TASOR2: variants seen among roughly 807,000 people sequenced by gnomAD.
TASOR2 encodes the protein protein TASOR 2.
A neutral mutation model predicts 199.5 loss-of-function variants in TASOR2; 84 were observed. The ratio of observed to expected loss-of-function variants is 0.42; its 90% CI spans 0.35 to 0.50. TASOR2 has a LOEUF of 0.50. Among genes scored for constraint, TASOR2 ranks in the 20% least tolerant of loss-of-function variants. The pLI, the probability that TASOR2 is intolerant of heterozygous loss-of-function variation, is 0.02. For synonymous variants in TASOR2, 1,103 were observed against 1,046.6 expected (o/e 1.05, Z -1.04); for missense variants, 2,796 against 2,835.9 (o/e 0.99, Z 0.32).
intron 1 of TASOR2, among the ~76,000 whole-genome samples, chr10:5,703,250 A>G (rs1002124641): frequency 1.3e-5 from 2 of 152,196 alleles, no homozygotes; most frequent in African/African-American, 4.8e-5. Context: ...ATGTCTCACC[A>G]TTATATATAT....
At chr10:5,709,800 T>TA in intron 1 of TASOR2, 1 of 756,806 alleles carries the variant, frequency 1.3e-6, no homozygotes, top group Non-Finnish European at 1.8e-6. Context: ...CTATATTTTT[T>TA]AAAATAATCA....
At position 5,689,844 on chromosome 10, in the gene TASOR2, T is replaced by G. The variant is rs1836227236; in HGVS notation, c.-288+4669T>G. ...CCCAACAGACATACATTGCCAAACT[T>G]GTGGATTTTTGATAATTTTTGATAA... is the stretch of plus-strand genomic sequence containing the variant. On this transcript the variant is annotated intron_variant, in intron 1 of 20. Transcript: ENST00000328090. This position sits in a 1 kb window ranked among gnomAD's most constrained non-coding sequence, Gnocchi z 4.1. Among the ~76,000 whole-genome samples, 1 of 152,192 alleles carries G rather than the reference T, an allele frequency of 6.6e-6. No individual in the cohort carries two copies. The highest frequency in any genetic ancestry group is 2.4e-5 in the African/African-American group (1 of 41,450).
Position 5,722,963 on chromosome 10 carries a change from G to A in TASOR2, c.147-714G>A, listed in dbSNP as rs200297246. 2.7e-5 allele frequency among the ~76,000 whole-genome samples: 4 copies of A among 147,052 alleles called. No homozygotes were observed. Among genetic ancestry groups the A allele is most frequent in the South Asian group, 2.2e-4 (1 of 4,496 alleles). ...TCAGAGGTTGCAGTGAGCTGAGATC[G>A]CACCACTGCACTCCAGCCTGGGTGA... On this transcript the variant is annotated intron_variant, in intron 6 of 20. Transcript: ENST00000328090. The surrounding 1 kb of genome is among the most constrained non-coding windows in gnomAD (Gnocchi z 4.0).
At position 5,706,033 on chromosome 10, in the gene TASOR2, T is replaced by A. The variant is rs1322064851; in HGVS notation, c.-287-6790T>A. On this transcript the variant is annotated intron_variant, in intron 1 of 20. Transcript: ENST00000328090. The surrounding 1 kb of genome is among the most constrained non-coding windows in gnomAD (Gnocchi z 4.8). ...TTTATGTTTAGGTCTGTGATTCATT[T>A]TGAGTTAAATTTTATGGTTTAAGGT... Among the ~76,000 whole-genome samples the A allele has an allele frequency of 6.6e-6, 1 of 152,206 alleles. No homozygotes were observed. Among genetic ancestry groups the A allele is most frequent in the Non-Finnish European group, 1.5e-5 (1 of 68,018 alleles).
At chr10:5,688,420 T>G (rs1377225594) in intron 1 of TASOR2, among the ~76,000 whole-genome samples, 2 of 95,422 alleles carry the variant, frequency 2.1e-5, no homozygotes, top group Admixed American at 1.2e-4. Context: ...TTTTTTTTTT[T>G]GTAGAGACAG....
rs201044493 is a variant in TASOR2, at chr10:5,715,339, A to AT, written c.-191-2313dup. Among the ~76,000 whole-genome samples the AT allele has an allele frequency of 6.9e-3, 1,042 of 151,632 alleles. 18 individuals carry two copies. Among genetic ancestry groups the AT allele is most frequent in the African/African-American group, 0.024 (993 of 41,288 alleles). ...CCATCATAACAGTCAATTTTAGACC[A>AT]TTTTTTTCACCCAAAAAAGAAATCC... On this transcript the variant is annotated intron_variant, in intron 2 of 20. Coordinates refer to ENST00000328090, the Ensembl canonical transcript of TASOR2.
chr10:5,694,656 G>A (rs1026528148), intron 1 of TASOR2, among the ~76,000 whole-genome samples: 3 of 152,018 alleles, frequency 2.0e-5, no homozygotes, highest in Non-Finnish European at 4.4e-5. Context: ...TTTCTTTGGG[G>A]GCATCTTAAT....
At chr10:5,702,757 A>G (rs1214036940) in intron 1 of TASOR2, among the ~76,000 whole-genome samples, 3 of 151,364 alleles carry the variant, frequency 2.0e-5, no homozygotes, top group Non-Finnish European at 4.4e-5. Flanking sequence ...TACATAATTT[A>G]AAGTATAATT....
chr10:5,705,999 GT>G (rs1838542070), intron 1 of TASOR2, among the ~76,000 whole-genome samples: 2 of 152,022 alleles, frequency 1.3e-5, no homozygotes, highest in Admixed American at 1.3e-4. Context: ...TAGCCAAATA[GT>G]TATAGTTTTT....
At position 5,754,767 on chromosome 10, in the gene TASOR2, G is replaced by A. The variant is rs150161147; in HGVS notation, c.6607-1846G>A. Reference sequence around the variant, plus strand: ...TCAACTGAGAAAGTGGACACGGCCGGGCGCGGTGGCTCACGCCTGTAATCC... The same window carrying A: ...TCAACTGAGAAAGTGGACACGGCCGAGCGCGGTGGCTCACGCCTGTAATCC... On this transcript the variant is annotated intron_variant, in intron 15 of 20. Coordinates refer to ENST00000328090, the Ensembl canonical transcript of TASOR2. The surrounding 1 kb of genome is among the most constrained non-coding windows in gnomAD (Gnocchi z 4.3). Among the ~76,000 whole-genome samples the A allele has an allele frequency of 5.9e-5, 9 of 152,262 alleles. No homozygotes were observed. In the East Asian group the frequency reaches 1.7e-3, roughly 29 times the overall value.
intron 12 of TASOR2, among the ~76,000 whole-genome samples, chr10:5,735,865 T>C (rs1008151687): frequency 1.3e-5 from 2 of 152,252 alleles, no homozygotes; most frequent in African/African-American, 4.8e-5. Context: ...TATCTGGCAT[T>C]ATTTTTCTAG....
At chr10:5,695,398 A>G (rs1837028755) in intron 1 of TASOR2, among the ~76,000 whole-genome samples, 1 of 152,250 alleles carries the variant, frequency 6.6e-6, no homozygotes, top group Admixed American at 6.5e-5. Flanking sequence ...GTAAATGACT[A>G]TTGAGTACAT....
intron 1 of TASOR2, among the ~76,000 whole-genome samples, chr10:5,693,854 G>C (rs116879903): frequency 6.6e-6 from 1 of 152,204 alleles, no homozygotes; most frequent in Non-Finnish European, 1.5e-5. Flanking sequence ...GGTGCTAGGA[G>C]CTCTGTTGGA....
rs1836242142 is a variant in TASOR2 at position 5,740,429 on chromosome 10, T to C, written c.2259T>C (p.Tyr753=). The C allele has an allele frequency of 6.2e-7, 1 of 1,614,036 alleles. No homozygotes were observed. The highest frequency in any genetic ancestry group is 8.5e-7 in the Non-Finnish European group (1 of 1,179,958). ...TCACTTTCAAATGTGAAACAGAATATGCATTCAGTTTAGACAGCAAATATA... is the reference window on the plus strand; with the variant it reads ...TCACTTTCAAATGTGAAACAGAATACGCATTCAGTTTAGACAGCAAATATA... Residue 753 remains tyrosine, a synonymous_variant, in exon 13 of 21, where the codon TAT becomes TAC. Coordinates refer to ENST00000328090, the Ensembl canonical transcript of TASOR2. The surrounding 1 kb of genome is among the most constrained non-coding windows in gnomAD (Gnocchi z 5.3).
chr10:5,719,594 C>G lies in TASOR2; in HGVS notation c.-99-950C>G, dbSNP rs556139886. Among the ~76,000 whole-genome samples the G allele has an allele frequency of 6.6e-6, 1 of 152,140 alleles. No homozygotes were observed. The highest frequency in any genetic ancestry group is 2.4e-5 in the African/African-American group (1 of 41,426). Reference sequence around the variant, plus strand: ...TCTTGATCTCATGATCTGCCCGCCTCGGCCTCCCAAAGTGCTGGGTTACAG... The same window carrying G: ...TCTTGATCTCATGATCTGCCCGCCTGGGCCTCCCAAAGTGCTGGGTTACAG... On this transcript the variant is annotated intron_variant, in intron 3 of 20. Transcript: ENST00000328090. The surrounding 1 kb of genome is among the most constrained non-coding windows in gnomAD (Gnocchi z 4.1).
chr10:5,695,019 T>C (rs563248614), intron 1 of TASOR2, among the ~76,000 whole-genome samples: 1 of 152,370 alleles, frequency 6.6e-6, no homozygotes, highest in African/African-American at 2.4e-5. Context: ...GATCAGTCTA[T>C]AGTTGTTGTT....
chr10:5,711,421 A>G (rs1831891957), intron 1 of TASOR2, among the ~76,000 whole-genome samples: 1 of 152,110 alleles, frequency 6.6e-6, no homozygotes, highest in Non-Finnish European at 1.5e-5. Context: ...TTTATACTAT[A>G]TGACCAGTAC....
chr10:5,758,658 C>T (rs1054488299), intron 17 of TASOR2, among the ~76,000 whole-genome samples: 2 of 152,218 alleles, frequency 1.3e-5, no homozygotes, highest in African/African-American at 4.8e-5. Flanking sequence ...CCACTGTGTT[C>T]GTGTCTACAG....
At chr10:5,758,443 A>G (rs753435010) in intron 17 of TASOR2, among the ~76,000 whole-genome samples, 9 of 152,102 alleles carry the variant, frequency 5.9e-5, no homozygotes, top group Non-Finnish European at 1.0e-4. Context: ...GAGACTAAGG[A>G]TGGAGGATTA....
Sources: gnomAD v4.1 joint callset for allele counts (sites outside exome capture counted in the v4.1 genomes callset) on GRCh38, gnomAD v4.1.1 for gene constraint, Gnocchi (gnomAD v3.1) non-coding constraint, MANE v1.5 for transcripts, NCBI Gene and HGNC (gene_info 2026-07-23, HGNC 2026-07-21) for gene names.